LRRC7: variants seen among roughly 807,000 people sequenced by gnomAD.
The protein encoded by LRRC7 is leucine-rich repeat-containing protein 7.
A neutral mutation model predicts 175.7 loss-of-function variants in LRRC7; 23 were observed. That is an observed-to-expected ratio of 0.13 (90% CI 0.09 to 0.19). The LOEUF is 0.19. Among genes scored for constraint, LRRC7 ranks in the 10% least tolerant of loss-of-function variants. The pLI is 1.00. For synonymous variants in LRRC7, 685 were observed against 680.9 expected, an observed-to-expected ratio of 1.01 and a Z score of -0.09; for missense variants, 1,354 against 1,904.7, an observed-to-expected ratio of 0.71 and a Z score of 5.38.
intron 7 of LRRC7, among the ~76,000 whole-genome samples, chr1:69,887,352 C>T (rs1180213734): frequency 7.5e-5 from 10 of 133,030 alleles, no homozygotes; most frequent in Admixed American, 6.7e-4. Flanking sequence ...TCCCTTCTCG[C>T]TTCATTTCAT....
intron 1 of LRRC7, among the ~76,000 whole-genome samples, chr1:69,659,770 C>A (rs1018099843): frequency 3.3e-5 from 5 of 151,506 alleles, no homozygotes; most frequent in African/African-American, 9.7e-5. Context: ...AAAAGCACTA[C>A]ATACAATAAA....
At chr1:69,750,551 A>C (rs899192248) in intron 2 of LRRC7, among the ~76,000 whole-genome samples, 4 of 152,154 alleles carry the variant, frequency 2.6e-5, no homozygotes, top group African/African-American at 9.7e-5. Context: ...GCCTTAGTTC[A>C]TTTGTGCTGC....
intron 25 of LRRC7, among the ~76,000 whole-genome samples, chr1:70,097,235 T>C (rs556667150): frequency 6.6e-6 from 1 of 152,332 alleles, no homozygotes; most frequent in African/African-American, 2.4e-5. Context: ...ACAACTGTAG[T>C]GTCTTCTGGC....
rs558656585 is a variant in LRRC7 at position 70,070,238 on chromosome 1, A to G, written c.4231-5839A>G. 2.6e-3 allele frequency among the ~76,000 whole-genome samples: 401 copies of G among 152,154 alleles called. 3 individuals are homozygous for G. Among genetic ancestry groups the G allele is most frequent in the Admixed American group, 6.9e-3 (106 of 15,286 alleles). On this transcript the variant is annotated intron_variant, in intron 23 of 26. Coordinates refer to ENST00000651989, the MANE Select transcript of LRRC7 (RefSeq NM_001370785.2). The stretch of plus-strand genomic sequence containing the variant: ...TTGAACTCCTGGCCTCAACTGACCC[A>G]CCTGCCTCGGCTTCCCAAAGTGCTG...
At chr1:69,720,809 A>T (rs1380913648) in intron 2 of LRRC7, among the ~76,000 whole-genome samples, 1 of 151,632 alleles carries the variant, frequency 6.6e-6, no homozygotes, top group Non-Finnish European at 1.5e-5. Context: ...TTATTGTTTA[A>T]ATAATGTTTA....
In LRRC7 at chr1:70,133,384, C is replaced by T. The variant is rs1319037027; in HGVS notation, c.*11497C>T. 6.6e-6 allele frequency among the ~76,000 whole-genome samples: 1 copy of T among 152,046 alleles called. No homozygotes were observed. Among genetic ancestry groups the T allele is most frequent in the Non-Finnish European group, 1.5e-5 (1 of 68,010 alleles). On this transcript the variant is annotated 3_prime_UTR_variant, in exon 27 of 27. Coordinates refer to ENST00000651989, the MANE Select transcript of LRRC7 (RefSeq NM_001370785.2). Reference sequence around the variant, plus strand: ...TACAGGCATGCACCACCACGCCCGGCTAATTTTTGTATTTTTAGTAAAGAC... The same window carrying T: ...TACAGGCATGCACCACCACGCCCGGTTAATTTTTGTATTTTTAGTAAAGAC...
At chr1:69,997,208 G>C (rs1000430282) in intron 11 of LRRC7, among the ~76,000 whole-genome samples, 1 of 152,080 alleles carries the variant, frequency 6.6e-6, no homozygotes, top group African/African-American at 2.4e-5. Context: ...TTTCTCTGTT[G>C]TTGGTGTATG....
intron 5 of LRRC7, among the ~76,000 whole-genome samples, chr1:69,827,079 GA>G (rs932826917): frequency 5.9e-5 from 9 of 151,378 alleles, no homozygotes; most frequent in South Asian, 2.1e-4. Flanking sequence ...AATAGGGAGG[GA>G]AAAAAAAGAG....
At chr1:69,997,837 A>C (rs985998640) in intron 11 of LRRC7, among the ~76,000 whole-genome samples, 1 of 152,226 alleles carries the variant, frequency 6.6e-6, no homozygotes, top group East Asian at 1.9e-4. Context: ...ATCAATGTTC[A>C]TCAAGGATAT....
At chr1:70,013,143 A>G (rs1571010689) in intron 13 of LRRC7, 54 bp downstream of exon 13, 1 of 1,137,132 alleles carries the variant, frequency 8.8e-7, no homozygotes, top group Non-Finnish European at 1.3e-6. Flanking sequence ...AAAGCAAATT[A>G]TAGTTTTTTT....
chr1:69,658,526 G>T (rs1257848687), intron 1 of LRRC7, among the ~76,000 whole-genome samples: 2 of 151,998 alleles, frequency 1.3e-5, no homozygotes, highest in Admixed American at 6.6e-5. Flanking sequence ...AGATTTAACT[G>T]TAGAACTTCA....
At chr1:69,699,377 T>A (rs1459495447) in intron 2 of LRRC7, among the ~76,000 whole-genome samples, 1 of 151,990 alleles carries the variant, frequency 6.6e-6, no homozygotes, top group Non-Finnish European at 1.5e-5. Flanking sequence ...CCATCTCTAC[T>A]AAAAGTACAA....
At chr1:69,578,061 C>T (rs887354818) in intron 1 of LRRC7, among the ~76,000 whole-genome samples, 3 of 152,032 alleles carry the variant, frequency 2.0e-5, no homozygotes, top group African/African-American at 7.2e-5. Flanking sequence ...GGGCTAATAT[C>T]CAGAATCTAC....
At chr1:69,688,199 C>G (rs1343892198) in intron 2 of LRRC7, among the ~76,000 whole-genome samples, 1 of 152,134 alleles carries the variant, frequency 6.6e-6, no homozygotes, top group Non-Finnish European at 1.5e-5. Flanking sequence ...GGTAAATCAG[C>G]TAAAAGAAGT....
intron 2 of LRRC7, among the ~76,000 whole-genome samples, chr1:69,704,894 A>C (rs1209376397): frequency 6.6e-6 from 1 of 152,102 alleles, no homozygotes; most frequent in East Asian, 1.9e-4. Flanking sequence ...TCTCCTACAT[A>C]TTTCAACTAC....
At chr1:70,011,545 A>C (rs1656511233) in intron 11 of LRRC7, among the ~76,000 whole-genome samples, 1 of 152,132 alleles carries the variant, frequency 6.6e-6, no homozygotes, top group South Asian at 2.1e-4. Context: ...ACAAATGAAA[A>C]ATTATTTTGT....
At chr1:69,923,829 G>A (rs1380921139) in intron 7 of LRRC7, among the ~76,000 whole-genome samples, 4 of 151,916 alleles carry the variant, frequency 2.6e-5, no homozygotes, top group Admixed American at 6.5e-5. Context: ...TGTCAATTTT[G>A]TCTTTTGTTG....
chr1:70,018,806 C>T lies in LRRC7; in HGVS notation c.1408C>T (p.Arg470Cys), dbSNP rs778947693. The change falls in exon 15 of 27, where the codon CGT (arginine) becomes TGT (cysteine). Residue 470 changes from arginine to cysteine, a missense_variant. Around this residue, in one of 4 missense-constraint regions of LRRC7, gnomAD observed 201 missense variants for 481.4 expected, o/e 0.42. Transcript: ENST00000651989. ...LTNYMFPQQP[R>C]GDEDFQSDSD... is the part of the protein sequence containing the mutation. ...TAACTACATGTTTCCCCAGCAGCCT[C>T]GTGGTGATGAAGGTAAATTGTCAGT... The T allele has an allele frequency of 2.5e-6, 4 of 1,611,424 alleles. No homozygotes were observed. The highest frequency in any genetic ancestry group is 1.7e-5 in the Admixed American group (1 of 59,960).
At chr1:70,119,558 G>A (rs777394336) in intron 26 of LRRC7, among the ~76,000 whole-genome samples, 36 of 149,960 alleles carry the variant, frequency 2.4e-4, no homozygotes, top group African/African-American at 7.9e-4. Context: ...ATTGAGAGCC[G>A]ACTAACCTTC....
Sources: allele counts gnomAD v4.1 joint callset (sites outside exome capture counted in the v4.1 genomes callset), GRCh38; gene constraint gnomAD v4.1.1; regional missense constraint gnomAD v4.1.1; transcripts MANE v1.5; gene names NCBI Gene and HGNC (gene_info 2026-07-23, HGNC 2026-07-21).